The following CTTNBP2 variants were observed in gnomAD, a reference collection of about 807,000 sequenced individuals.
The protein encoded by CTTNBP2 is cortactin-binding protein 2.
In CTTNBP2, 108 loss-of-function variants were observed where a neutral mutation model predicts 156.9. That is an observed-to-expected ratio of 0.69 (90% CI 0.59 to 0.81). The LOEUF is 0.81. CTTNBP2 is among the 30% of genes least tolerant of loss of function. The pLI is 0.00. For synonymous variants in CTTNBP2, 767 were observed against 751.8 expected (o/e 1.02, Z -0.33); for missense variants, 1,924 against 2,035.4 (o/e 0.95, Z 1.05).
chr7:117,819,013 T>G (rs1406834150), intron 2 of CTTNBP2, among the ~76,000 whole-genome samples: 1 of 152,214 alleles, frequency 6.6e-6, no homozygotes, highest in Non-Finnish European at 1.5e-5. Context: ...AGGAAGGTCC[T>G]TGGCTTCTAA....
chr7:117,803,017 C>T (rs945120693), intron 3 of CTTNBP2, among the ~76,000 whole-genome samples: 3 of 152,182 alleles, frequency 2.0e-5, no homozygotes, highest in Non-Finnish European at 4.4e-5. Context: ...ACCCAGCAAA[C>T]CCATAACTGG....
intron 14 of CTTNBP2, among the ~76,000 whole-genome samples, chr7:117,745,178 C>G (rs970225957): frequency 6.6e-6 from 1 of 152,210 alleles, no homozygotes; most frequent in African/African-American, 2.4e-5. Flanking sequence ...AATAACATTA[C>G]ATTAATAAAC....
intron 16 of CTTNBP2, among the ~76,000 whole-genome samples, chr7:117,729,623 T>C (rs1276782130): frequency 5.9e-5 from 9 of 152,090 alleles, no homozygotes; most frequent in Admixed American, 5.9e-4. Context: ...TCTGGTGCGG[T>C]TTGATGGAGT....
At chr7:117,714,000 A>C (rs1445788605) in intron 22 of CTTNBP2, 1 of 152,178 alleles carries the variant, frequency 6.6e-6, no homozygotes, top group Non-Finnish European at 1.5e-5. Flanking sequence ...CTTCCTGATA[A>C]AACAAAAAAC....
At chr7:117,736,393 C>G (rs544105367) in intron 14 of CTTNBP2, among the ~76,000 whole-genome samples, 3 of 152,056 alleles carry the variant, frequency 2.0e-5, no homozygotes, top group East Asian at 3.9e-4. Context: ...TGAGCTGTGA[C>G]TGTGCCACTG....
intron 2 of CTTNBP2, among the ~76,000 whole-genome samples, chr7:117,831,424 T>C (rs1801605917): frequency 1.3e-5 from 2 of 151,952 alleles, no homozygotes; most frequent in Admixed American, 1.3e-4. Context: ...CTGAAAGTCA[T>C]GAGGAGGATA....
At position 117,756,538 on chromosome 7, in the gene CTTNBP2, C is replaced by T; in HGVS notation, c.3348+17G>A. 4 of 1,593,866 alleles carry T rather than the reference C, an allele frequency of 2.5e-6. No homozygotes were observed. The Admixed American group carries it at 5.0e-5, about 20-fold the overall frequency. On this transcript the variant is annotated intron_variant, in intron 12 of 22. Transcript: ENST00000160373. ...GGGATGGAAAACACAGGTCTCCACC[C>T]AGCAGTGTCCACCTACCAGCCTGAG...
intron 3 of CTTNBP2, among the ~76,000 whole-genome samples, chr7:117,807,878 C>A (rs1304264133): frequency 6.6e-6 from 1 of 152,186 alleles, no homozygotes; most frequent in Non-Finnish European, 1.5e-5. Flanking sequence ...CCATGCTGAA[C>A]CACGATGTAA....
At position 117,780,477 on chromosome 7, in the gene CTTNBP2, C is replaced by A; in HGVS notation, c.2487G>T (p.Leu829Phe). 1.9e-6 allele frequency: 3 copies of A among 1,591,806 alleles called. No individual in the cohort carries two copies. Among genetic ancestry groups the A allele is most frequent in the South Asian group, 1.2e-5 (1 of 86,504 alleles). Residue 829 changes from leucine (L) to phenylalanine (F), a missense_variant, in exon 7 of 23, where the codon TTG (leucine) becomes TTT (phenylalanine). Leu to Phe is a conservative substitution (Grantham distance 22, BLOSUM62 0). Coordinates refer to ENST00000160373, the MANE Select transcript of CTTNBP2 (RefSeq NM_033427.3). ...KNGNKECIKLLLEAGTNRSVK... is the reference protein window; with the variant it reads ...KNGNKECIKLFLEAGTNRSVK... ...CACTTCGATTGGTTCCAGCTTCCAACAAGAGTTTAATACATTCTTTATTTC... is the reference window on the plus strand; with the variant it reads ...CACTTCGATTGGTTCCAGCTTCCAAAAAGAGTTTAATACATTCTTTATTTC...
chr7:117,756,053 C>T (rs1796867514), intron 12 of CTTNBP2, among the ~76,000 whole-genome samples: 1 of 152,192 alleles, frequency 6.6e-6, no homozygotes, highest in South Asian at 2.1e-4. Context: ...GCCACTTCTC[C>T]TTCCTCAGGC....
At position 117,838,967 on chromosome 7, in the gene CTTNBP2, C is replaced by CCG. The variant is rs1222581225; in HGVS notation, c.189+22241_189+22242insCG. 2.4e-3 allele frequency among the ~76,000 whole-genome samples: 231 copies of CCG among 94,966 alleles called. 3 individuals carry two copies. Among genetic ancestry groups the CCG allele is most frequent in the African/African-American group, 8.7e-3 (216 of 24,736 alleles). The allele number at this position is 94,966 out of a possible 152,430, so 62.3% of individuals were successfully genotyped here. A position where few individuals can be genotyped will look rare whatever the true frequency, so the allele number is the denominator to read the frequency against. ...ATAATGTATAGTAACATTGCGGGGG[C>CCG]GGGGGGGGGGCTTTTAAAAAAAATC... On this transcript the variant is annotated intron_variant, in intron 2 of 22. Transcript: ENST00000160373.
At chr7:117,761,435 T>C (rs1183643127) in intron 9 of CTTNBP2, among the ~76,000 whole-genome samples, 1 of 152,234 alleles carries the variant, frequency 6.6e-6, no homozygotes, top group Admixed American at 6.5e-5. Flanking sequence ...ACTTCTGTTC[T>C]CATGACTGAA....
chr7:117,848,917 G>A (rs908811811), intron 2 of CTTNBP2, among the ~76,000 whole-genome samples: 1 of 152,104 alleles, frequency 6.6e-6, no homozygotes, highest in African/African-American at 2.4e-5. Flanking sequence ...GCAATCAGTC[G>A]ATTGCATACA....
At chr7:117,751,984 C>G (rs1432165085) in intron 12 of CTTNBP2, among the ~76,000 whole-genome samples, 3 of 152,198 alleles carry the variant, frequency 2.0e-5, no homozygotes, top group Non-Finnish European at 4.4e-5. Flanking sequence ...CAACCAGCTG[C>G]TTCCCACTTT....
chr7:117,766,615 G>A (rs1368610997), intron 9 of CTTNBP2, among the ~76,000 whole-genome samples: 1 of 152,076 alleles, frequency 6.6e-6, no homozygotes, highest in Non-Finnish European at 1.5e-5. Flanking sequence ...GCATATACTC[G>A]TGGAGCTGGA....
intron 12 of CTTNBP2, among the ~76,000 whole-genome samples, chr7:117,752,741 G>C (rs1199058050): frequency 6.6e-6 from 1 of 152,150 alleles, no homozygotes; most frequent in Non-Finnish European, 1.5e-5. Context: ...TGCATGAGTA[G>C]GCAGAAAGGC....
rs34011318 is a variant in CTTNBP2, at chr7:117,823,951, CT to C, written c.190-12963del. Among the ~76,000 whole-genome samples, 120 of 143,406 alleles carry C rather than the reference CT, an allele frequency of 8.4e-4. 1 individual carries two copies. The highest frequency in any genetic ancestry group is 2.1e-3 in the African/African-American group (83 of 39,186). The allele number at this position is 143,406 out of a possible 152,430, so 94.1% of individuals were successfully genotyped here. A position where few individuals can be genotyped will look rare whatever the true frequency, so the allele number is the denominator to read the frequency against. ...TTTCCAACTAAGGAATCTTTCAGGTCTTTTTTTTTTTTCAAGCAGCTATTAG... is the reference window on the plus strand; with the variant it reads ...TTTCCAACTAAGGAATCTTTCAGGTCTTTTTTTTTTTCAAGCAGCTATTAG... On this transcript the variant is annotated intron_variant, in intron 2 of 22. Coordinates refer to ENST00000160373, the MANE Select transcript of CTTNBP2 (RefSeq NM_033427.3).
intron 14 of CTTNBP2, among the ~76,000 whole-genome samples, chr7:117,743,639 G>A (rs1021145486): frequency 1.3e-5 from 2 of 151,646 alleles, no homozygotes; most frequent in East Asian, 3.9e-4. Flanking sequence ...GCGAGCGCCT[G>A]TAGCCCCAGC....
intron 1 of CTTNBP2, among the ~76,000 whole-genome samples, chr7:117,866,470 C>G (rs1165648750): frequency 6.6e-6 from 1 of 152,176 alleles, no homozygotes; most frequent in African/African-American, 2.4e-5. Flanking sequence ...CAGGCACTTT[C>G]TCTGGCTCTT....
Sources: allele counts gnomAD v4.1 joint callset (sites outside exome capture counted in the v4.1 genomes callset), GRCh38; gene constraint gnomAD v4.1.1; transcripts MANE v1.5; gene names NCBI Gene and HGNC (gene_info 2026-07-23, HGNC 2026-07-21).